ZNF721: variants seen among roughly 807,000 people sequenced by gnomAD.
ZNF721 encodes the protein zinc finger protein 721.
In ZNF721, 2 loss-of-function variants were observed where a neutral mutation model predicts 2.4. The observed-to-expected ratio is 0.82, with a 90% confidence interval of 0.34 to 2.58. The LOEUF is 2.58. ZNF721 is among the 30% of genes most tolerant of loss of function. ZNF721 has a pLI of 0.11. For synonymous variants in ZNF721, 398 were observed against 381.8 expected, an observed-to-expected ratio of 1.04 and a Z score of -0.50; for missense variants, 1,187 against 1,085.5, an observed-to-expected ratio of 1.09 and a Z score of -1.31.
intron 2 of ZNF721, 66 bp from the exon 3 acceptor site, chr4:444,498 A>C: frequency 1.4e-6 from 2 of 1,429,974 alleles, no homozygotes; most frequent in Non-Finnish European, 1.9e-6. Flanking sequence ...TTTACAAATC[A>C]TAAGATTATA....
chr4:454,527 T>C (rs1217094224), intron 2 of ZNF721, among the ~76,000 whole-genome samples: 2 of 152,178 alleles, frequency 1.3e-5, no homozygotes, highest in Non-Finnish European at 2.9e-5. Context: ...TGTATATCCC[T>C]GACAATTCTC....
chr4:450,401 A>G (rs1490999738), intron 2 of ZNF721, among the ~76,000 whole-genome samples: 1 of 152,230 alleles, frequency 6.6e-6, no homozygotes, highest in Non-Finnish European at 1.5e-5. Flanking sequence ...CATTATGTTA[A>G]GTGAAATAAA....
chr4:483,279 G>A (rs1171300667), intron 1 of ZNF721, among the ~76,000 whole-genome samples: 5 of 152,160 alleles, frequency 3.3e-5, no homozygotes, highest in Admixed American at 6.5e-5. Context: ...GGCTGGGCAC[G>A]GTGGCTCACG....
At chr4:469,495 T>C (rs888136289) in intron 2 of ZNF721, among the ~76,000 whole-genome samples, 1 of 152,186 alleles carries the variant, frequency 6.6e-6, no homozygotes, top group African/African-American at 2.4e-5. Context: ...TGTCAAAGTA[T>C]ATTATCGAAA....
At chr4:498,964 T>A (rs1269391183) in intron 1 of ZNF721, 92 bp downstream of exon 1, 1 of 239,916 alleles carries the variant, frequency 4.2e-6, no homozygotes, top group African/African-American at 2.4e-5. Context: ...GACCTCGTGA[T>A]CCGCCCGCCT....
At position 469,812 on chromosome 4, in the gene ZNF721, T is replaced by C. The variant is rs999230650; in HGVS notation, c.34+2763A>G. ...AATTTTGGCAAGGGGATCATGAATA[T>C]ACAATTCAGAAATTATAGTCTTGTC... On this transcript the variant is annotated intron_variant, in intron 2 of 2. Transcript: ENST00000511833. Among the ~76,000 whole-genome samples the C allele has an allele frequency of 2.0e-5, 3 of 152,174 alleles. No homozygotes were observed. In the East Asian group the frequency reaches 5.8e-4, roughly 29 times the overall value.
chr4:459,697 G>A (rs1045027386), intron 2 of ZNF721, among the ~76,000 whole-genome samples: 2 of 152,068 alleles, frequency 1.3e-5, no homozygotes, highest in Non-Finnish European at 2.9e-5. Context: ...CGGGCGTGGT[G>A]GCGGGCGCCT....
chr4:488,214 T>C (rs1308867646), intron 1 of ZNF721, among the ~76,000 whole-genome samples: 2 of 152,198 alleles, frequency 1.3e-5, no homozygotes, highest in Non-Finnish European at 2.9e-5. Context: ...TTTTCATTCC[T>C]TTGTGCTTTC....
intron 1 of ZNF721, among the ~76,000 whole-genome samples, chr4:479,079 TA>T: frequency 6.6e-6 from 1 of 152,344 alleles, no homozygotes; most frequent in East Asian, 1.9e-4. Flanking sequence ...AGTTAATTTT[TA>T]AAAATTTCAA....
intron 1 of ZNF721, among the ~76,000 whole-genome samples, chr4:497,386 C>T (rs1246718381): frequency 2.0e-5 from 3 of 151,740 alleles, no homozygotes; most frequent in Non-Finnish European, 2.9e-5. Context: ...TGCTGCAGGC[C>T]GGGTTACCTT....
intron 1 of ZNF721, among the ~76,000 whole-genome samples, chr4:479,553 G>T (rs998350177): frequency 6.6e-6 from 1 of 152,226 alleles, no homozygotes; most frequent in Non-Finnish European, 1.5e-5. Context: ...GGGACCAGGG[G>T]GCTGCAGGCA....
intron 2 of ZNF721, among the ~76,000 whole-genome samples, chr4:465,705 A>G (rs903799054): frequency 6.6e-6 from 1 of 151,802 alleles, no homozygotes; most frequent in African/African-American, 2.4e-5. Context: ...AAGTGCTGGG[A>G]TTACAGGCGT....
intron 2 of ZNF721, among the ~76,000 whole-genome samples, chr4:466,215 G>C (rs1325426829): frequency 4.6e-5 from 7 of 151,318 alleles, no homozygotes; most frequent in Admixed American, 3.9e-4. Context: ...AAGGAATTAA[G>C]ACACTCTACC....
At chr4:467,089 G>A (rs1553866846) in intron 2 of ZNF721, among the ~76,000 whole-genome samples, 1 of 152,132 alleles carries the variant, frequency 6.6e-6, no homozygotes. Flanking sequence ...GGGCGTGGTG[G>A]CAGGTACCTG....
intron 1 of ZNF721, among the ~76,000 whole-genome samples, chr4:473,236 T>C (rs568457999): frequency 1.3e-5 from 2 of 152,222 alleles, no homozygotes; most frequent in South Asian, 2.1e-4. Flanking sequence ...TTTTGCAGGT[T>C]TGAAAAGAGT....
chr4:467,883 G>T (rs1003666345), intron 2 of ZNF721, among the ~76,000 whole-genome samples: 6 of 151,914 alleles, frequency 3.9e-5, no homozygotes, highest in East Asian at 1.9e-4. Context: ...ACGCCTGTAA[G>T]CCCAGCACTT....
At chr4:454,315 G>A (rs1273432299) in intron 2 of ZNF721, among the ~76,000 whole-genome samples, 1 of 152,164 alleles carries the variant, frequency 6.6e-6, no homozygotes, top group Admixed American at 6.5e-5. Context: ...CCCTGCTGCT[G>A]GTACAATCCT....
intron 1 of ZNF721, among the ~76,000 whole-genome samples, chr4:495,853 C>G (rs1716139125): frequency 6.6e-6 from 1 of 152,112 alleles, no homozygotes; most frequent in Non-Finnish European, 1.5e-5. Context: ...CTGCCCACCT[C>G]GGCCTCCCAA....
At chr4:470,932 G>C (rs917403068) in intron 2 of ZNF721, among the ~76,000 whole-genome samples, 2 of 151,762 alleles carry the variant, frequency 1.3e-5, no homozygotes, top group Non-Finnish European at 2.9e-5. Context: ...CCCAGGAGGC[G>C]GAGTTAGCAG....
Sources: allele counts gnomAD v4.1 joint callset (sites outside exome capture counted in the v4.1 genomes callset), GRCh38; gene constraint gnomAD v4.1.1; transcripts MANE v1.5; gene names NCBI Gene and HGNC (gene_info 2026-07-23, HGNC 2026-07-21).